The following BRD10 variants were observed in gnomAD, a reference collection of about 807,000 sequenced individuals.
BRD10 encodes uncharacterized bromodomain-containing protein 10.
At chr9:5,919,243 ATATG>A in the BRD10 span, 1 of 155,496 alleles carries the variant, frequency 6.4e-6, no homozygotes, top group Non-Finnish European at 1.4e-5. Flanking sequence ...ATAAATATAT[ATATG>A]TATTTTTTTT....
the BRD10 span, among the ~76,000 whole-genome samples, chr9:5,963,507 T>G: frequency 6.8e-6 from 1 of 147,686 alleles, no homozygotes; most frequent in East Asian, 2.0e-4. Context: ...TTCAATGCCA[T>G]CCCCATCAAG....
At chr9:5,926,461 C>G in the BRD10 span, among the ~76,000 whole-genome samples, 2 of 152,182 alleles carry the variant, frequency 1.3e-5, no homozygotes, top group African/African-American at 4.8e-5. Context: ...GCATGCACCA[C>G]CATACCTGGC....
At chr9:5,930,548 G>A in the BRD10 span, among the ~76,000 whole-genome samples, 1 of 151,986 alleles carries the variant, frequency 6.6e-6, no homozygotes, top group African/African-American at 2.4e-5. Flanking sequence ...TATCTTAGAA[G>A]AGGAATTGCT....
At chr9:5,953,029 T>A in the BRD10 span, among the ~76,000 whole-genome samples, 1 of 152,302 alleles carries the variant, frequency 6.6e-6, no homozygotes, top group Non-Finnish European at 1.5e-5. Flanking sequence ...AACTGTTGAT[T>A]TAAAAATGTT....
the BRD10 span, among the ~76,000 whole-genome samples, chr9:5,989,235 TAAAAAAAAAAAAA>T: frequency 2.2e-5 from 1 of 46,164 alleles, no homozygotes; most frequent in East Asian, 7.6e-4. Flanking sequence ...TCTGTCTCAT[TAAAAAAAAAAAAA>T]AAAAAAAAAA....
the BRD10 span, among the ~76,000 whole-genome samples, chr9:5,888,151 G>T: frequency 6.6e-6 from 1 of 152,138 alleles, no homozygotes; most frequent in African/African-American, 2.4e-5. Flanking sequence ...GTCATATTCC[G>T]GTGGGGTTTT....
At chr9:5,946,925 C>T in the BRD10 span, among the ~76,000 whole-genome samples, 1 of 151,598 alleles carries the variant, frequency 6.6e-6, no homozygotes, top group African/African-American at 2.4e-5. Context: ...TATTTATGTT[C>T]CATTTAAAGG....
chr9:5,958,506 A>T, the BRD10 span, among the ~76,000 whole-genome samples: 2 of 152,124 alleles, frequency 1.3e-5, no homozygotes, highest in Non-Finnish European at 2.9e-5. Context: ...GTGGTGGTGC[A>T]TGCCTGTGAT....
chr9:5,980,652 T>TCA, the BRD10 span, among the ~76,000 whole-genome samples: 284 of 150,748 alleles, frequency 1.9e-3, 1 homozygote, highest in African/African-American at 5.9e-3. Context: ...AAAAAAAACT[T>TCA]CACACACACA....
the BRD10 span, among the ~76,000 whole-genome samples, chr9:5,925,355 T>G: frequency 1.2e-4 from 6 of 50,750 alleles, no homozygotes; most frequent in Admixed American, 6.6e-4. Context: ...CGAGACTCCA[T>G]CTCAAAAAAA....
At chr9:6,003,565 T>C in the BRD10 span, among the ~76,000 whole-genome samples, 34 of 152,148 alleles carry the variant, frequency 2.2e-4, no homozygotes, top group African/African-American at 6.5e-4. Context: ...TCTATAGCAA[T>C]GCGTGGTCAA....
At chr9:5,956,521 C>T in the BRD10 span, among the ~76,000 whole-genome samples, 4 of 152,168 alleles carry the variant, frequency 2.6e-5, no homozygotes, top group East Asian at 7.7e-4. Context: ...ATCTGTAAAA[C>T]AAGGGATAAT....
chr9:5,880,167 C>T, the BRD10 span, among the ~76,000 whole-genome samples: 2 of 151,880 alleles, frequency 1.3e-5, no homozygotes, highest in South Asian at 4.2e-4. Context: ...GTTCTGTCCA[C>T]CTCAGCCTCC....
At chr9:5,903,354 T>C in the BRD10 span, among the ~76,000 whole-genome samples, 3 of 152,232 alleles carry the variant, frequency 2.0e-5, no homozygotes, top group African/African-American at 7.2e-5. Flanking sequence ...AAGATTTTGT[T>C]GAGTTCCACT....
the BRD10 span, among the ~76,000 whole-genome samples, chr9:6,005,273 G>A: frequency 2.6e-5 from 4 of 152,206 alleles, no homozygotes; most frequent in Non-Finnish European, 5.9e-5. Flanking sequence ...CACTTTGGGA[G>A]GCCGAGGCGG....
the BRD10 span, among the ~76,000 whole-genome samples, chr9:5,969,734 C>T: frequency 2.0e-5 from 3 of 151,992 alleles, no homozygotes; most frequent in Admixed American, 6.6e-5. Context: ...TTAGTAGAGA[C>T]GGGGTTTCAC....
chr9:5,996,112 T>C, the BRD10 span, among the ~76,000 whole-genome samples: 2 of 152,106 alleles, frequency 1.3e-5, no homozygotes, highest in African/African-American at 4.8e-5. Context: ...AAGATACTGA[T>C]TTAGGAGCCC....
chr9:5,905,071 C>T, the BRD10 span, among the ~76,000 whole-genome samples: 3 of 152,196 alleles, frequency 2.0e-5, no homozygotes, highest in Admixed American at 6.5e-5. Context: ...CCGTGCCCGG[C>T]CTTATACTTC....
At chr9:5,887,886 C>G in the BRD10 span, among the ~76,000 whole-genome samples, 10 of 152,296 alleles carry the variant, frequency 6.6e-5, no homozygotes, top group South Asian at 2.1e-3. Context: ...TAAATTTTCC[C>G]TCCTTTACAG....
Sources: allele counts gnomAD v4.1 joint callset (sites outside exome capture counted in the v4.1 genomes callset), GRCh38; gene constraint gnomAD v4.1.1; transcripts MANE v1.5; gene names NCBI Gene and HGNC (gene_info 2026-07-23, HGNC 2026-07-21).